The following LHFPL3 variants were observed in gnomAD, a reference collection of about 807,000 sequenced individuals.
LHFPL3 encodes the protein LHFPL tetraspan subfamily member 3 protein.
Under a neutral mutation model 19.3 loss-of-function variants are expected in LHFPL3, and 5 were observed. The observed-to-expected ratio is 0.26, with a 90% CI of 0.14 to 0.54. The LOEUF is 0.54. LHFPL3 is among the 20% of genes least tolerant of loss of function. The pLI is 0.94. For missense variants in LHFPL3, 249 were observed against 307.4 expected, an observed-to-expected ratio of 0.81 and a Z score of 1.42; for synonymous variants, 133 against 126.2, an observed-to-expected ratio of 1.05 and a Z score of -0.36.
intron 1 of LHFPL3, among the ~76,000 whole-genome samples, chr7:104,687,285 C>A (rs774502351): frequency 6.6e-6 from 1 of 152,230 alleles, no homozygotes; most frequent in Non-Finnish European, 1.5e-5. Context: ...GGACGCAGAA[C>A]TTCCATGTCC....
chr7:104,602,737 G>A (rs1311488910), intron 1 of LHFPL3, among the ~76,000 whole-genome samples: 1 of 152,196 alleles, frequency 6.6e-6, no homozygotes, highest in Admixed American at 6.5e-5. Flanking sequence ...ACTGGGTAAT[G>A]TATCTTAAAC....
intron 2 of LHFPL3, 112 bp downstream of exon 2, chr7:104,737,023 C>T (rs1793839369): frequency 3.9e-6 from 3 of 773,296 alleles, no homozygotes; most frequent in East Asian, 5.4e-5. Flanking sequence ...AATTTGCTGC[C>T]TCTTTTAATA....
intron 1 of LHFPL3, among the ~76,000 whole-genome samples, chr7:104,501,923 AAT>A (rs1419119367): frequency 2.0e-5 from 3 of 152,354 alleles, no homozygotes; most frequent in Non-Finnish European, 4.4e-5. Flanking sequence ...ATTTCTGAAA[AAT>A]AAGTTAGATC....
Position 104,342,503 on chromosome 7 carries a change from A to G in LHFPL3, c.445+13279A>G, listed in dbSNP as rs1584599828. 2.0e-5 allele frequency among the ~76,000 whole-genome samples: 3 copies of G among 152,160 alleles called. No individual in the cohort carries two copies. In the East Asian group the frequency reaches 5.8e-4, roughly 29 times the overall value. On this transcript the variant is annotated intron_variant, in intron 1 of 2. Transcript: ENST00000424859. ...TATTCCAGTCTCTGTTTCCTTAAATAAAACAAAAGAAAAGGAAAGGAATGA... is the reference window on the plus strand; with the variant it reads ...TATTCCAGTCTCTGTTTCCTTAAATGAAACAAAAGAAAAGGAAAGGAATGA...
At chr7:104,459,948 C>T (rs1792625083) in intron 1 of LHFPL3, among the ~76,000 whole-genome samples, 1 of 152,122 alleles carries the variant, frequency 6.6e-6, no homozygotes, top group South Asian at 2.1e-4. Context: ...CAGATTACTT[C>T]ATCACCCAGG....
chr7:104,898,318 C>T (rs1319417915), intron 2 of LHFPL3, among the ~76,000 whole-genome samples: 1 of 151,972 alleles, frequency 6.6e-6, no homozygotes, highest in Non-Finnish European at 1.5e-5. Context: ...AAATCTCACC[C>T]TTTTATATAG....
At position 104,830,540 on chromosome 7, in the gene LHFPL3, T is replaced by C. The variant is rs534036597; in HGVS notation, c.683-75647T>C. ...TGTAAGGAAGGGATCCAGTTTCAGC[T>C]TTCTACATATGGCTAGCCAGTTTTC... On this transcript the variant is annotated intron_variant, in intron 2 of 2. Transcript: ENST00000424859. Among the ~76,000 whole-genome samples the C allele has an allele frequency of 1.0e-3, 158 of 152,022 alleles. 2 individuals are homozygous for C. In the South Asian group the frequency reaches 0.032, roughly 31 times the overall value.
chr7:104,733,488 G>A (rs905863192), intron 1 of LHFPL3, among the ~76,000 whole-genome samples: 6 of 152,102 alleles, frequency 3.9e-5, no homozygotes, highest in Non-Finnish European at 5.9e-5. Context: ...GGCCTTCTTT[G>A]TCTCTTTTGA....
intron 1 of LHFPL3, among the ~76,000 whole-genome samples, chr7:104,343,728 C>CGTGTGTGT (rs10687589): frequency 1.7e-3 from 250 of 148,854 alleles, no homozygotes; most frequent in African/African-American, 5.4e-3. Flanking sequence ...GTATGGCTTG[C>CGTGTGTGT]GTGTGTGTGT....
chr7:104,673,375 TA>T (rs1188503447), intron 1 of LHFPL3, among the ~76,000 whole-genome samples: 2 of 152,268 alleles, frequency 1.3e-5, no homozygotes, highest in Admixed American at 1.3e-4. Context: ...TGTTCTCGTC[TA>T]ACACTTTTTG....
intron 1 of LHFPL3, among the ~76,000 whole-genome samples, chr7:104,335,587 A>T (rs1320979682): frequency 2.6e-5 from 4 of 152,212 alleles, no homozygotes; most frequent in African/African-American, 9.6e-5. Context: ...CATACAATAT[A>T]TTGTTAGGAA....
chr7:104,462,432 A>G (rs1290646814), intron 1 of LHFPL3, among the ~76,000 whole-genome samples: 1 of 152,194 alleles, frequency 6.6e-6, no homozygotes, highest in Non-Finnish European at 1.5e-5. Context: ...AGTTTTTAAC[A>G]TGAAGATGTG....
At chr7:104,838,084 T>A (rs1026432833) in intron 2 of LHFPL3, among the ~76,000 whole-genome samples, 1 of 152,188 alleles carries the variant, frequency 6.6e-6, no homozygotes, top group Admixed American at 6.5e-5. Flanking sequence ...CATAAGGACT[T>A]ACGGGTATAA....
intron 1 of LHFPL3, among the ~76,000 whole-genome samples, chr7:104,443,574 G>A (rs1227159869): frequency 6.6e-6 from 1 of 152,174 alleles, no homozygotes; most frequent in African/African-American, 2.4e-5. Flanking sequence ...CAAAAATAAT[G>A]GAAGCTAGCT....
At chr7:104,870,038 C>A (rs1791802145) in intron 2 of LHFPL3, among the ~76,000 whole-genome samples, 1 of 148,398 alleles carries the variant, frequency 6.7e-6, no homozygotes, top group Non-Finnish European at 1.5e-5. Flanking sequence ...GGGAATTGAA[C>A]AATGAGAACA....
chr7:104,605,933 T>G (rs1023635081), intron 1 of LHFPL3, among the ~76,000 whole-genome samples: 1 of 152,192 alleles, frequency 6.6e-6, no homozygotes, highest in Non-Finnish European at 1.5e-5. Flanking sequence ...CACATATTTT[T>G]AAAATAAATT....
rs190569548 is a variant in LHFPL3, at chr7:104,579,907, A to G, written c.446-156768A>G. Reference sequence around the variant, plus strand: ...AGAGCTTGCTCCCATGGCATGTTATAGCTCTTGGAGGTTGAGGCTTAAGTC... The same window carrying G: ...AGAGCTTGCTCCCATGGCATGTTATGGCTCTTGGAGGTTGAGGCTTAAGTC... On this transcript the variant is annotated intron_variant, in intron 1 of 2. Transcript: ENST00000424859. 6.0e-3 allele frequency among the ~76,000 whole-genome samples: 912 copies of G among 152,298 alleles called. 8 individuals carry two copies. The highest frequency in any genetic ancestry group is 0.02 in the African/African-American group (826 of 41,570).
chr7:104,876,785 C>T (rs925980881), intron 2 of LHFPL3, among the ~76,000 whole-genome samples: 4 of 152,082 alleles, frequency 2.6e-5, no homozygotes, highest in African/African-American at 7.3e-5. Context: ...GGTATATACC[C>T]AAAGGATTAT....
intron 1 of LHFPL3, among the ~76,000 whole-genome samples, chr7:104,599,131 A>G (rs994364866): frequency 2.0e-5 from 3 of 152,222 alleles, no homozygotes; most frequent in African/African-American, 7.2e-5. Context: ...ATTCTTACAG[A>G]TAATAGAGAA....
Sources: gnomAD v4.1 joint callset for allele counts (sites outside exome capture counted in the v4.1 genomes callset) on GRCh38, gnomAD v4.1.1 for gene constraint, MANE v1.5 for transcripts, NCBI Gene and HGNC (gene_info 2026-07-23, HGNC 2026-07-21) for gene names.